The following ZMIZ2 variants were observed in gnomAD, a reference collection of about 807,000 sequenced individuals.
The protein encoded by ZMIZ2 is zinc finger MIZ-type containing 2.
Under a neutral mutation model 93.9 loss-of-function variants are expected in ZMIZ2, and 26 were observed. The ratio of observed to expected loss-of-function variants is 0.28; its 90% CI spans 0.20 to 0.38. ZMIZ2 has a LOEUF of 0.38. Among genes scored for constraint, ZMIZ2 ranks in the 10% least tolerant of loss-of-function variants. ZMIZ2 has a pLI of 1.00. For synonymous variants in ZMIZ2, 485 were observed against 516.4 expected (o/e 0.94, Z 0.82); for missense variants, 1,023 against 1,235.0 (o/e 0.83, Z 2.57).
intron 1 of ZMIZ2, among the ~76,000 whole-genome samples, chr7:44,754,670 C>T (rs1024235135): frequency 6.6e-6 from 1 of 152,174 alleles, no homozygotes; most frequent in Non-Finnish European, 1.5e-5. Flanking sequence ...TAGATGAATG[C>T]GGGGCCACCC....
Position 44,766,203 on chromosome 7 carries a change from T to C in ZMIZ2, c.2282T>C (p.Phe761Ser). ...GGGCCTGGAACTTTCCCTGAGTCCT[T>C]CCCACCCACCACGCCCAGCACCCCA... ...FLGPGTFPES[F>S]PPTTPSTPTL... is the part of the protein sequence containing the mutation. The change falls in exon 17 of 19, where the codon TTC becomes TCC. Residue 761 changes from phenylalanine to serine, a missense_variant. Phe to Ser is a radical substitution (Grantham distance 155). Around this residue, in one of 3 missense-constraint regions of ZMIZ2, gnomAD observed 319 missense variants for 358.8 expected, o/e 0.89. Coordinates refer to ENST00000309315, the MANE Select transcript of ZMIZ2 (RefSeq NM_031449.4). The surrounding 1 kb of genome is among the most constrained non-coding windows in gnomAD (Gnocchi z 4.4). 1 of 1,598,514 alleles carries C rather than the reference T, an allele frequency of 6.3e-7. No homozygotes were observed. The highest frequency in any genetic ancestry group is 8.6e-7 in the Non-Finnish European group (1 of 1,167,536).
chr7:44,760,972 C>T (rs1229443886), intron 9 of ZMIZ2, among the ~76,000 whole-genome samples: 1 of 152,114 alleles, frequency 6.6e-6, no homozygotes, highest in Non-Finnish European at 1.5e-5. Flanking sequence ...CTCTTCTCTC[C>T]CCTGTGCACA....
At chr7:44,759,615 A>T in intron 7 of ZMIZ2, 155 bp downstream of exon 7, 5 of 140,208 alleles carry the variant, frequency 3.6e-5, no homozygotes, top group Non-Finnish European at 3.9e-5. Flanking sequence ...ACAGCTCTAC[A>T]GGAGATGGGG....
intron 1 of ZMIZ2, among the ~76,000 whole-genome samples, chr7:44,755,075 C>T (rs1790475752): frequency 6.6e-6 from 1 of 151,984 alleles, no homozygotes; most frequent in South Asian, 2.1e-4. Context: ...AAGGTGTGGT[C>T]ACTTCCGTGG....
At chr7:44,762,821 C>T in intron 11 of ZMIZ2, 60 bp from the exon 12 acceptor site, 2 of 1,438,436 alleles carry the variant, frequency 1.4e-6, no homozygotes, top group South Asian at 1.3e-5. Context: ...ACACCCTTTA[C>T]CTGGCCAGGG....
rs1790603132 is a variant in ZMIZ2, at chr7:44,756,504, A to G, written c.130A>G (p.Thr44Ala). The G allele has an allele frequency of 1.2e-6, 2 of 1,614,034 alleles. No individual in the cohort carries two copies. The highest frequency in any genetic ancestry group is 2.2e-5 in the South Asian group (2 of 91,086). ...GGCTGGATCGCTGTCTGTGGTCACT[A>G]CTGTGTGGGGAGTTGGCAACGCGAC... ...QPAGSLSVVT[T>A]VWGVGNATQS... Residue 44 changes from threonine (T) to alanine (A), a missense_variant, in exon 3 of 19, where the codon ACT becomes GCT. Around this residue, in one of 3 missense-constraint regions of ZMIZ2, gnomAD observed 656 missense variants for 777.1 expected, o/e 0.84. Coordinates refer to ENST00000309315, the MANE Select transcript of ZMIZ2 (RefSeq NM_031449.4).
chr7:44,756,840 T>A, intron 3 of ZMIZ2, 107 bp from the exon 4 acceptor site: 16 of 1,214,864 alleles, frequency 1.3e-5, no homozygotes, highest in Non-Finnish European at 1.5e-5. Flanking sequence ...CCCCCCCACC[T>A]CTCCCCCAAC....
In ZMIZ2 at chr7:44,762,939, GCCT is replaced by G; in HGVS notation, c.1660_1662del (p.Leu554del). The G allele has an allele frequency of 6.2e-7, 1 of 1,613,560 alleles. No homozygotes were observed. Among genetic ancestry groups the G allele is most frequent in the Non-Finnish European group, 8.5e-7 (1 of 1,179,686 alleles). ...CCATCCGTCCGCTCGGTGCTGCAGG[GCCT>G]CCTCAAAAAGCGCCTCCTGCCTGCT... is the stretch of plus-strand genomic sequence containing the variant. On this transcript the variant is annotated inframe_deletion, in exon 12 of 19. Coordinates refer to ENST00000309315, the MANE Select transcript of ZMIZ2 (RefSeq NM_031449.4).
chr7:44,766,071 T>C lies in ZMIZ2; in HGVS notation c.2243-93T>C. The C allele has an allele frequency of 6.7e-7, 1 of 1,496,482 alleles. No individual in the cohort carries two copies. The highest frequency in any genetic ancestry group is 8.9e-7 in the Non-Finnish European group (1 of 1,129,712). The allele number at this position is 1,496,482 out of a possible 1,614,324, so 92.7% of individuals were successfully genotyped here. A position where few individuals can be genotyped will look rare whatever the true frequency, so the allele number is the denominator to read the frequency against. On this transcript the variant is annotated intron_variant, in intron 16 of 18. Transcript: ENST00000309315. This position sits in a 1 kb window ranked among gnomAD's most constrained non-coding sequence, Gnocchi z 4.4. Reference sequence around the variant, plus strand: ...GTTGTTTGTGGGTGAGCACTGCAAGTCCCACCCATGCCACAGCCAGCCTCC... The same window carrying C: ...GTTGTTTGTGGGTGAGCACTGCAAGCCCCACCCATGCCACAGCCAGCCTCC...
rs764543449 is a variant in ZMIZ2, at chr7:44,757,504, A to AGCCACC, written c.497_502dup (p.Ala166_Thr167dup). The AGCCACC allele has an allele frequency of 4.9e-5, 78 of 1,607,940 alleles. No individual in the cohort carries two copies. Among genetic ancestry groups the AGCCACC allele is most frequent in the Non-Finnish European group, 6.4e-5 (76 of 1,178,988 alleles). Reference sequence around the variant, plus strand: ...CAGCCACTGCCACCGCCACAGCCACAGCCACCGTGGCTGCTCTCCAGGAGA... The same window carrying AGCCACC: ...CAGCCACTGCCACCGCCACAGCCACAGCCACCGCCACCGTGGCTGCTCTCCAGGAGA... On this transcript the variant is annotated inframe_insertion, in exon 5 of 19. Coordinates refer to ENST00000309315, the MANE Select transcript of ZMIZ2 (RefSeq NM_031449.4).
At chr7:44,758,154 C>T (rs750926367) in intron 6 of ZMIZ2, 46 bp downstream of exon 6, 1 of 1,495,500 alleles carries the variant, frequency 6.7e-7, no homozygotes, top group Non-Finnish European at 8.9e-7. Flanking sequence ...TACCAACTCC[C>T]TCACCCAGGC....
chr7:44,758,255 G>A (rs530124582), intron 6 of ZMIZ2, 147 bp downstream of exon 6: 3 of 1,101,338 alleles, frequency 2.7e-6, no homozygotes, highest in East Asian at 2.9e-5. Context: ...CAAGGAGGGT[G>A]GATCCCTTGA....
intron 1 of ZMIZ2, among the ~76,000 whole-genome samples, 180 bp from the exon 2 acceptor site, chr7:44,756,008 C>G (rs1035905261): frequency 4.6e-5 from 7 of 152,158 alleles, no homozygotes; most frequent in African/African-American, 1.7e-4. Flanking sequence ...GGGGCAGATC[C>G]TCACCAGAGT....
rs776129546 is a variant in ZMIZ2 at position 44,767,644 on chromosome 7, C to G, written c.*21C>G. 1.3e-6 allele frequency: 2 copies of G among 1,598,664 alleles called. No homozygotes were observed. Among genetic ancestry groups the G allele is most frequent in the South Asian group, 2.2e-5 (2 of 90,742 alleles). The stretch of plus-strand genomic sequence containing the variant: ...ACTGATCCTGTGTTTACCCCAAGCC[C>G]GGCGGGGACACGCTCACAGATGTCA... On this transcript the variant is annotated 3_prime_UTR_variant, in exon 19 of 19. Coordinates refer to ENST00000309315, the MANE Select transcript of ZMIZ2 (RefSeq NM_031449.4).
In ZMIZ2 at chr7:44,765,125, C is replaced by G. The variant is rs1791572126; in HGVS notation, c.1997+116C>G. On this transcript the variant is annotated intron_variant, in intron 15 of 18. Coordinates refer to ENST00000309315, the MANE Select transcript of ZMIZ2 (RefSeq NM_031449.4). This position sits in a 1 kb window ranked among gnomAD's most constrained non-coding sequence, Gnocchi z 4.1. The stretch of plus-strand genomic sequence containing the variant: ...CTTCCAGCCTTTTTCCGGCATGGAG[C>G]AGGCTGGATTCCAGGCCAGAGACAG... 6.8e-7 allele frequency: 1 copy of G among 1,477,094 alleles called. No homozygotes were observed. Among genetic ancestry groups the G allele is most frequent in the Non-Finnish European group, 9.3e-7 (1 of 1,077,642 alleles). 91.5% of individuals were successfully genotyped at this position (1,477,094 alleles called of 1,614,324 possible).
rs1790713694 is a variant in ZMIZ2 at position 44,757,516 on chromosome 7, T to C, written c.507T>C (p.Ala169=). ...CCGCCACAGCCACAGCCACCGTGGC[T>C]GCTCTCCAGGAGAAGCAGAGCCAGG... ...TATATATATV[A]ALQEKQSQEL... is the part of the protein sequence containing the mutation. Residue 169 remains alanine, a synonymous_variant, in exon 5 of 19, where the codon GCT becomes GCC. Transcript: ENST00000309315. 6.2e-7 allele frequency: 1 copy of C among 1,609,908 alleles called. No homozygotes were observed. Among genetic ancestry groups the C allele is most frequent in the Non-Finnish European group, 8.5e-7 (1 of 1,179,414 alleles).
Position 44,765,360 on chromosome 7 carries a change from G to A in ZMIZ2, c.2023G>A (p.Asp675Asn), listed in dbSNP as rs1246527192. ...QNSDYEEITI[D>N]PTCSWKPVPV... is the part of the protein sequence containing the mutation. ...CTCTGACTATGAGGAGATCACCATC[G>A]ACCCCACGTGCAGCTGGAAGCCAGT... Residue 675 changes from aspartate (D) to asparagine (N), a missense_variant, in exon 16 of 19, where the codon GAC becomes AAC. By Grantham distance (23) the Asp-to-Asn change is conservative. Around this residue, in one of 3 missense-constraint regions of ZMIZ2, gnomAD observed 319 missense variants for 358.8 expected, o/e 0.89. Transcript: ENST00000309315. The surrounding 1 kb of genome is among the most constrained non-coding windows in gnomAD (Gnocchi z 4.1). The A allele has an allele frequency of 3.7e-6, 6 of 1,613,354 alleles. No homozygotes were observed. In the African/African-American group the frequency reaches 5.3e-5, roughly 14 times the overall value.
chr7:44,763,576 C>A lies in ZMIZ2; in HGVS notation c.1860+163C>A. The A allele has an allele frequency of 1.1e-6, 1 of 893,680 alleles. No homozygotes were observed. Among genetic ancestry groups the A allele is most frequent in the African/African-American group, 1.7e-5 (1 of 59,118 alleles). The allele number at this position is 893,680 out of a possible 1,614,324, so 55.4% of individuals were successfully genotyped here. On this transcript the variant is annotated intron_variant, in intron 13 of 18. Transcript: ENST00000309315. This position sits in a 1 kb window ranked among gnomAD's most constrained non-coding sequence, Gnocchi z 5.6. ...CAAGGAGGCAGGTGGGCCTGGCTCCCCCAAGACTAGGCTATTTTTTCTTCC... is the reference window on the plus strand; with the variant it reads ...CAAGGAGGCAGGTGGGCCTGGCTCCACCAAGACTAGGCTATTTTTTCTTCC...
chr7:44,757,003 T>A lies in ZMIZ2; in HGVS notation c.222T>A (p.Pro74=), dbSNP rs778662715. Residue 74 remains proline, a synonymous_variant, in exon 4 of 19, where the codon CCT becomes CCA. Coordinates refer to ENST00000309315, the MANE Select transcript of ZMIZ2 (RefSeq NM_031449.4). ...AGSPSGSSMM[P]GVAGGSSALT... ...GTCCCTCTGGCAGCTCCATGATGCCTGGTGTGGCAGGGGGCAGCTCCGCCT... is the reference window on the plus strand; with the variant it reads ...GTCCCTCTGGCAGCTCCATGATGCCAGGTGTGGCAGGGGGCAGCTCCGCCT... The A allele has an allele frequency of 1.9e-6, 3 of 1,612,636 alleles. No individual in the cohort carries two copies. The highest frequency in any genetic ancestry group is 2.5e-6 in the Non-Finnish European group (3 of 1,179,532).
Sources: allele counts gnomAD v4.1 joint callset (sites outside exome capture counted in the v4.1 genomes callset), GRCh38; gene constraint gnomAD v4.1.1; regional missense constraint gnomAD v4.1.1; non-coding constraint Gnocchi (gnomAD v3.1); transcripts MANE v1.5; gene names NCBI Gene and HGNC (gene_info 2026-07-23, HGNC 2026-07-21).